Variants in NDC1 observed in about 807,000 individuals in gnomAD.
The protein encoded by NDC1 is NDC1 transmembrane nucleoporin.
In NDC1, 24 loss-of-function variants were observed where a neutral mutation model predicts 89.8. That is an observed-to-expected ratio of 0.27 (90% CI 0.19 to 0.38). NDC1 has a LOEUF of 0.38. NDC1 is among the 10% of genes least tolerant of loss of function. The pLI, the probability that NDC1 is intolerant of heterozygous loss-of-function variation, is 1.00. For missense variants in NDC1, 728 were observed against 797.6 expected (o/e 0.91, Z 1.05); for synonymous variants, 296 against 284.8 (o/e 1.04, Z -0.39).
At chr1:53,801,806 G>A (rs1437332977) in intron 10 of NDC1, among the ~76,000 whole-genome samples, 1 of 152,170 alleles carries the variant, frequency 6.6e-6, no homozygotes, top group Non-Finnish European at 1.5e-5. Flanking sequence ...GCCCAGGCTG[G>A]AGTGCAGTGG....
intron 16 of NDC1, 94 bp from the exon 17 acceptor site, chr1:53,772,583 G>C: frequency 8.3e-7 from 1 of 1,209,486 alleles, no homozygotes; most frequent in Non-Finnish European, 1.2e-6. Context: ...CAACACTTTG[G>C]AAGGACGAGG....
chr1:53,793,967 C>T (rs1647608833), intron 13 of NDC1, among the ~76,000 whole-genome samples: 1 of 151,370 alleles, frequency 6.6e-6, no homozygotes, highest in African/African-American at 2.4e-5. Flanking sequence ...GTTTCTCTCA[C>T]AGGGAAAAAA....
chr1:53,782,977 T>C (rs1056989631), intron 16 of NDC1, among the ~76,000 whole-genome samples: 1 of 152,238 alleles, frequency 6.6e-6, no homozygotes, highest in African/African-American at 2.4e-5. Context: ...TGATTTTTTT[T>C]CTAATCCTAA....
intron 5 of NDC1, among the ~76,000 whole-genome samples, chr1:53,824,800 C>G (rs1233318922): frequency 6.6e-6 from 1 of 152,188 alleles, no homozygotes; most frequent in East Asian, 1.9e-4. Flanking sequence ...TTGCCTTGTT[C>G]TGAAAATGAT....
At chr1:53,828,401 A>G (rs990044177) in intron 3 of NDC1, among the ~76,000 whole-genome samples, 2 of 152,172 alleles carry the variant, frequency 1.3e-5, no homozygotes, top group African/African-American at 4.8e-5. Flanking sequence ...TAGAGATGAA[A>G]CCTAAGGACA....
At position 53,832,443 on chromosome 1, in the gene NDC1, T is replaced by G. The variant is rs765486550; in HGVS notation, c.280+47A>C. On this transcript the variant is annotated intron_variant, in intron 3 of 17. Transcript: ENST00000371429. ...AAAATGTACTAAGTCTTCCCTTAGT[T>G]AAATAAATTCGCATATTTCTAAGAA... 14 of 1,006,178 alleles carry G rather than the reference T, an allele frequency of 1.4e-5. No homozygotes were observed. The South Asian group carries it at 1.6e-4, about 12-fold the overall frequency. 62.3% of individuals were successfully genotyped at this position (1,006,178 alleles called of 1,614,324 possible).
In NDC1 at chr1:53,807,893, A is replaced by G. The variant is rs768331187; in HGVS notation, c.756-102T>C. 6.2e-5 allele frequency: 64 copies of G among 1,039,424 alleles called. No homozygotes were observed. In the Middle Eastern group the frequency reaches 1.0e-3, roughly 17 times the overall value. 64.4% of individuals were successfully genotyped at this position (1,039,424 alleles called of 1,614,324 possible). ...GAGACACAAATATTATGTCTAAATA[A>G]CAATGTTGACAGACTCCTCTCCTTC... On this transcript the variant is annotated intron_variant, in intron 7 of 17. Transcript: ENST00000371429.
At position 53,765,517 on chromosome 1, in the gene NDC1, T is replaced by A. The variant is rs1386365165; in HGVS notation, c.*2453A>T. ...CAATTTATTTTTCTACCCAATCCAG[T>A]ATCAACGATATACAAAAGGATATAA... On this transcript the variant is annotated 3_prime_UTR_variant, in exon 18 of 18. Transcript: ENST00000371429. 2.0e-5 allele frequency: 3 copies of A among 152,154 alleles called. No homozygotes were observed. Among genetic ancestry groups the A allele is most frequent in the Non-Finnish European group, 4.4e-5 (3 of 68,028 alleles). 9.4% of individuals were successfully genotyped at this position (152,154 alleles called of 1,614,324 possible).
At chr1:53,788,798 G>C (rs542286915) in intron 15 of NDC1, among the ~76,000 whole-genome samples, 1 of 152,110 alleles carries the variant, frequency 6.6e-6, no homozygotes, top group Non-Finnish European at 1.5e-5. Context: ...CTACTCAGGA[G>C]GCTGAGGTGG....
chr1:53,819,856 G>C (rs1242891890), intron 5 of NDC1, among the ~76,000 whole-genome samples: 3 of 152,070 alleles, frequency 2.0e-5, no homozygotes, highest in African/African-American at 7.2e-5. Flanking sequence ...CTAAGACAGG[G>C]GTGCCTTATC....
chr1:53,825,460 A>AAAAAAAAAAAAAAAAAAAAAAAAAAAAG (rs1039370528), intron 5 of NDC1, among the ~76,000 whole-genome samples: 17 of 142,164 alleles, frequency 1.2e-4, no homozygotes, highest in South Asian at 4.4e-4. Flanking sequence ...CTCCAAAAAA[A>AAAAAAAAAAAAAAAAAAAAAAAAAAAAG]AAGAAGCTAC....
chr1:53,817,746 T>C (rs1180697557), intron 6 of NDC1, among the ~76,000 whole-genome samples: 2 of 152,010 alleles, frequency 1.3e-5, no homozygotes, highest in Non-Finnish European at 2.9e-5. Flanking sequence ...GTGAAAGAAA[T>C]AAACAGGATG....
chr1:53,801,761 TTTTG>T (rs1221398723), intron 10 of NDC1, among the ~76,000 whole-genome samples: 6 of 152,126 alleles, frequency 3.9e-5, no homozygotes, highest in African/African-American at 1.2e-4. Flanking sequence ...CCAATTAAAT[TTTTG>T]TTTGTTTTTG....
chr1:53,803,071 T>G (rs998566912), intron 10 of NDC1, among the ~76,000 whole-genome samples: 2 of 152,022 alleles, frequency 1.3e-5, no homozygotes, highest in Admixed American at 1.3e-4. Context: ...AATTCTTTTT[T>G]GGGGTGGGGA....
intron 3 of NDC1, 121 bp from the exon 4 acceptor site, chr1:53,828,294 C>T (rs369094766): frequency 2.8e-5 from 24 of 855,694 alleles, no homozygotes; most frequent in African/African-American, 2.2e-4. Flanking sequence ...CCACAGTCAA[C>T]GCAAATACAA....
rs767470581 is a variant in NDC1, at chr1:53,782,217, A to G, written c.1800+4941T>C. Among the ~76,000 whole-genome samples, 7 of 152,210 alleles carry G rather than the reference A, an allele frequency of 4.6e-5. No individual in the cohort carries two copies. The East Asian group carries it at 5.8e-4, about 13-fold the overall frequency. ...AGAGACTGAATAGTCTATGGTAGTT[A>G]TAAGAGCAGAGGACTCATGGGAATA... On this transcript the variant is annotated intron_variant, in intron 16 of 17. Coordinates refer to ENST00000371429, the MANE Select transcript of NDC1 (RefSeq NM_018087.5).
chr1:53,807,758 G>A lies in NDC1; in HGVS notation c.789C>T (p.Gly263=), dbSNP rs770014784. The A allele has an allele frequency of 1.1e-5, 17 of 1,612,998 alleles. No individual in the cohort carries two copies. The African/African-American group carries it at 2.1e-4, about 20-fold the overall frequency. The change falls in exon 8 of 18, where the codon GGC becomes GGT. Residue 263 remains glycine, a synonymous_variant. Coordinates refer to ENST00000371429, the MANE Select transcript of NDC1 (RefSeq NM_018087.5). ...QVHRPLDTVS[G]LLNLSLLYHV... ...GGTAGAGTAACGAGAGATTTAAGAG[G>A]CCACTCACTGTGTCAAGTGGCCTAT...
intron 16 of NDC1, among the ~76,000 whole-genome samples, chr1:53,779,692 T>G (rs1647188751): frequency 6.6e-6 from 1 of 152,220 alleles, no homozygotes; most frequent in Admixed American, 6.5e-5. Context: ...ATGAATAAGT[T>G]GTACTCACAC....
At chr1:53,837,203 G>A (rs1180999160) in intron 1 of NDC1, among the ~76,000 whole-genome samples, 1 of 152,190 alleles carries the variant, frequency 6.6e-6, no homozygotes, top group East Asian at 1.9e-4. Flanking sequence ...GCTGAGGCAG[G>A]AGGACTAGTT....
Sources: gnomAD v4.1 joint callset for allele counts (sites outside exome capture counted in the v4.1 genomes callset) on GRCh38, gnomAD v4.1.1 for gene constraint, MANE v1.5 for transcripts, NCBI Gene and HGNC (gene_info 2026-07-23, HGNC 2026-07-21) for gene names.